Variants in OTUD7A observed in about 807,000 individuals in gnomAD.
OTUD7A encodes OTU deubiquitinase 7A.
In OTUD7A, 12 loss-of-function variants were observed where a neutral mutation model predicts 65.7. The ratio of observed to expected loss-of-function variants is 0.18; its 90% CI spans 0.12 to 0.30. The LOEUF (loss-of-function observed/expected upper bound fraction) is 0.30, where lower values mean the gene tolerates loss of function less well. OTUD7A is among the 10% of genes least tolerant of loss of function. The pLI is 1.00. For synonymous variants in OTUD7A, 641 were observed against 586.3 expected (o/e 1.09, Z -1.35); for missense variants, 1,148 against 1,304.8 (o/e 0.88, Z 1.85).
chr15:31,573,493 A>G (rs1182951937), intron 3 of OTUD7A, among the ~76,000 whole-genome samples: 1 of 152,254 alleles, frequency 6.6e-6, no homozygotes, highest in African/African-American at 2.4e-5. Context: ...AAGAATATCA[A>G]TATTCTGTCA....
At chr15:31,495,536 G>A (rs919898731) in intron 10 of OTUD7A, among the ~76,000 whole-genome samples, 30 of 152,172 alleles carry the variant, frequency 2.0e-4, no homozygotes, top group African/African-American at 6.0e-4. Flanking sequence ...CCCTTAGCCA[G>A]GGGCCTTTGC....
chr15:31,699,936 CT>C (rs1893175756), intron 1 of OTUD7A, among the ~76,000 whole-genome samples: 1 of 152,044 alleles, frequency 6.6e-6, no homozygotes, highest in Admixed American at 6.6e-5. Flanking sequence ...CGTTGAACCG[CT>C]CACAATAATT....
In OTUD7A at chr15:31,500,178, C is replaced by T. The variant is rs141051098; in HGVS notation, c.1171+1512G>A. ...AAGGCCCTTCTGGTCTCCCAAGAGG[C>T]GGGGTCAGCCCTACGAAGAGCTAAA... On this transcript the variant is annotated intron_variant, in intron 10 of 12. Coordinates refer to ENST00000307050, the MANE Select transcript of OTUD7A (RefSeq NM_001382637.1). Among the ~76,000 whole-genome samples, 1,035 of 152,318 alleles carry T rather than the reference C, an allele frequency of 6.8e-3. 9 individuals carry two copies. The highest frequency in any genetic ancestry group is 0.024 in the African/African-American group (985 of 41,566).
At chr15:31,856,805 C>A (rs1239128519) in intron 1 of OTUD7A, among the ~76,000 whole-genome samples, 1 of 152,216 alleles carries the variant, frequency 6.6e-6, no homozygotes, top group Non-Finnish European at 1.5e-5. Flanking sequence ...GAAATTCTGA[C>A]GTCTGCCCAA....
intron 3 of OTUD7A, among the ~76,000 whole-genome samples, chr15:31,579,839 C>T (rs913781534): frequency 2.6e-5 from 4 of 152,142 alleles, no homozygotes; most frequent in Non-Finnish European, 4.4e-5. Context: ...ATTATGTGTG[C>T]GAGTGCACGT....
intron 5 of OTUD7A, among the ~76,000 whole-genome samples, chr15:31,542,025 G>T (rs773252712): frequency 6.6e-6 from 1 of 151,980 alleles, no homozygotes; most frequent in African/African-American, 2.4e-5. Flanking sequence ...ACCTAAAATT[G>T]GTTCTAAGTA....
At position 31,655,085 on chromosome 15, in the gene OTUD7A, G is replaced by A. The variant is rs1325070920; in HGVS notation, c.151+11C>T. 3 of 1,609,308 alleles carry A rather than the reference G, an allele frequency of 1.9e-6. No individual in the cohort carries two copies. The highest frequency in any genetic ancestry group is 2.2e-5 in the East Asian group (1 of 44,792). On this transcript the variant is annotated intron_variant, in intron 3 of 12. Transcript: ENST00000307050. Reference sequence around the variant, plus strand: ...AGAATGGTGGTGTGGGGAACAAGGAGGTGGGCTTACCTTCCAGCAGGTCTC... The same window carrying A: ...AGAATGGTGGTGTGGGGAACAAGGAAGTGGGCTTACCTTCCAGCAGGTCTC...
chr15:31,821,138 T>TTC (rs1174795445), intron 1 of OTUD7A, among the ~76,000 whole-genome samples: 27 of 139,682 alleles, frequency 1.9e-4, no homozygotes, highest in Non-Finnish European at 3.7e-4. Flanking sequence ...CATTTCTTTT[T>TTC]TTTTTTTTTT....
At chr15:31,714,799 C>T (rs2654044) in intron 1 of OTUD7A, among the ~76,000 whole-genome samples, 1 of 152,016 alleles carries the variant, frequency 6.6e-6, no homozygotes, top group African/African-American at 2.4e-5. Flanking sequence ...ACAGTCTGCC[C>T]CTTTCTCCAA....
At chr15:31,725,320 G>T (rs999581975) in intron 1 of OTUD7A, among the ~76,000 whole-genome samples, 2 of 152,186 alleles carry the variant, frequency 1.3e-5, no homozygotes, top group East Asian at 1.9e-4. Flanking sequence ...CTGTCTCCCA[G>T]TTATTCCATT....
At chr15:31,503,370 T>A (rs1223435127) in intron 9 of OTUD7A, among the ~76,000 whole-genome samples, 3 of 152,190 alleles carry the variant, frequency 2.0e-5, no homozygotes, top group African/African-American at 7.2e-5. Flanking sequence ...CTCCAGGACA[T>A]GGCCCAGGGC....
chr15:31,607,842 G>A (rs2141218657), intron 3 of OTUD7A, among the ~76,000 whole-genome samples: 1 of 152,338 alleles, frequency 6.6e-6, no homozygotes, highest in South Asian at 2.1e-4. Flanking sequence ...AATGAACTCT[G>A]TGATGTTTGC....
At position 31,625,412 on chromosome 15, in the gene OTUD7A, A is replaced by T. The variant is rs548754932; in HGVS notation, c.151+29684T>A. On this transcript the variant is annotated intron_variant, in intron 3 of 12. Coordinates refer to ENST00000307050, the MANE Select transcript of OTUD7A (RefSeq NM_001382637.1). The stretch of plus-strand genomic sequence containing the variant: ...GACTTCGACTAAACATTCCTGATTT[A>T]AAAAAAAAAAAAAAGAACTGCAATG... Among the ~76,000 whole-genome samples the T allele has an allele frequency of 3.4e-4, 49 of 142,314 alleles. No individual in the cohort carries two copies. In the South Asian group the frequency reaches 7.8e-3, roughly 23 times the overall value. 93.4% of individuals were successfully genotyped at this position (142,314 alleles called of 152,430 possible). A position where few individuals can be genotyped will look rare whatever the true frequency, so the allele number is the denominator to read the frequency against.
chr15:31,716,707 G>A (rs1905383), intron 1 of OTUD7A, among the ~76,000 whole-genome samples: 69,494 of 127,240 alleles, frequency 0.55, 19,249 homozygotes, highest in South Asian at 0.64. Context: ...GATACTTTGC[G>A]GATTAAAAGT....
At chr15:31,672,655 C>T (rs1417487993) in intron 1 of OTUD7A, among the ~76,000 whole-genome samples, 1 of 152,222 alleles carries the variant, frequency 6.6e-6, no homozygotes, top group Non-Finnish European at 1.5e-5. Context: ...TGTTCCATCA[C>T]ACAATACCAT....
In OTUD7A at chr15:31,510,957, T is replaced by TATATCTATATGTAACATATGC; in HGVS notation, c.894-7140_894-7139insGCATATGTTACATATAGATAT. ...TGTATATCTATATGTAACATATATG[T>TATATCTATATGTAACATATGC]ATATCTATATGTAACATATGTATAT... On this transcript the variant is annotated intron_variant, in intron 8 of 12. Coordinates refer to ENST00000307050, the MANE Select transcript of OTUD7A (RefSeq NM_001382637.1). Among the ~76,000 whole-genome samples the TATATCTATATGTAACATATGC allele has an allele frequency of 2.0e-5, 2 of 100,926 alleles. 1 individual carries two copies. The highest frequency in any genetic ancestry group is 5.4e-4 in the East Asian group (2 of 3,732). 66.2% of individuals were successfully genotyped at this position (100,926 alleles called of 152,430 possible).
chr15:31,527,391 C>T (rs1292207105), intron 6 of OTUD7A, 83 bp from the exon 7 acceptor site: 9 of 1,522,166 alleles, frequency 5.9e-6, no homozygotes, highest in African/African-American at 1.4e-5. Context: ...CTACCACGAC[C>T]CACTGGGAGA....
At chr15:31,632,424 G>C (rs1487069932) in intron 3 of OTUD7A, among the ~76,000 whole-genome samples, 3 of 152,360 alleles carry the variant, frequency 2.0e-5, no homozygotes, top group East Asian at 3.9e-4. Context: ...AACAGCGGTG[G>C]CTGTAGAACA....
intron 1 of OTUD7A, among the ~76,000 whole-genome samples, chr15:31,681,663 C>T (rs1402869504): frequency 6.6e-6 from 1 of 151,846 alleles, no homozygotes; most frequent in Non-Finnish European, 1.5e-5. Flanking sequence ...TAATGACTGT[C>T]TAATTTCTCT....
Sources: allele counts gnomAD v4.1 joint callset (sites outside exome capture counted in the v4.1 genomes callset), GRCh38; gene constraint gnomAD v4.1.1; transcripts MANE v1.5; gene names NCBI Gene and HGNC (gene_info 2026-07-23, HGNC 2026-07-21).